Variants in NNT observed in about 807,000 individuals in gnomAD.
NNT encodes the protein nicotinamide nucleotide transhydrogenase.
A neutral mutation model predicts 104.8 loss-of-function variants in NNT; 50 were observed. That is an observed-to-expected ratio of 0.48 (90% CI 0.38 to 0.60). The LOEUF is 0.60. Ranked by LOEUF, NNT falls within the 20% of genes least tolerant of loss-of-function variation. NNT has a pLI of 0.00. For missense variants in NNT, 1,131 were observed against 1,330.7 expected (o/e 0.85, Z 2.33); for synonymous variants, 461 against 490.4 (o/e 0.94, Z 0.79).
intron 7 of NNT, among the ~76,000 whole-genome samples, chr5:43,628,721 G>A (rs1230851746): frequency 1.3e-5 from 2 of 152,120 alleles, no homozygotes; most frequent in Admixed American, 1.3e-4. Flanking sequence ...CAAGTAACTG[G>A]GATTACAGGT....
At chr5:43,642,436 C>T (rs924423580) in intron 7 of NNT, among the ~76,000 whole-genome samples, 5 of 152,108 alleles carry the variant, frequency 3.3e-5, no homozygotes, top group African/African-American at 1.2e-4. Flanking sequence ...TGTTAGATTA[C>T]AGTACGGAGG....
intron 7 of NNT, among the ~76,000 whole-genome samples, chr5:43,633,455 C>T (rs901140377): frequency 6.6e-6 from 1 of 152,216 alleles, no homozygotes; most frequent in Admixed American, 6.5e-5. Flanking sequence ...TTGCCCTTCC[C>T]TGCTTTTTGA....
intron 7 of NNT, among the ~76,000 whole-genome samples, chr5:43,636,360 G>C (rs1299181661): frequency 6.6e-6 from 1 of 152,128 alleles, no homozygotes; most frequent in Non-Finnish European, 1.5e-5. Context: ...CACCCATGAA[G>C]TTACATAACC....
rs142078290 is a variant in NNT at position 43,687,533 on chromosome 5, C to T, written c.2876+9727C>T. ...ACATTGTGCCAGAATTTTTTATAAACTCACATTGACTCATCAGTGTGCATA... is the reference window on the plus strand; with the variant it reads ...ACATTGTGCCAGAATTTTTTATAAATTCACATTGACTCATCAGTGTGCATA... On this transcript the variant is annotated intron_variant, in intron 19 of 21. Coordinates refer to ENST00000344920, the MANE Select transcript of NNT (RefSeq NM_182977.3). Among the ~76,000 whole-genome samples the T allele has an allele frequency of 2.6e-5, 4 of 152,260 alleles. No homozygotes were observed. The East Asian group carries it at 7.7e-4, about 29-fold the overall frequency.
intron 2 of NNT, 68 bp from the exon 3 acceptor site, chr5:43,612,840 T>G: frequency 8.5e-7 from 1 of 1,169,998 alleles, no homozygotes; most frequent in Non-Finnish European, 1.2e-6. Flanking sequence ...TTCTGAAATC[T>G]GTTTTTAAAC....
chr5:43,659,213 G>A lies in NNT; in HGVS notation c.2497G>A (p.Val833Ile), dbSNP rs1165451368. 2.5e-6 allele frequency: 4 copies of A among 1,613,122 alleles called. No homozygotes were observed. The highest frequency in any genetic ancestry group is 2.2e-5 in the East Asian group (1 of 44,838). The change falls in exon 17 of 22, where the codon GTC (valine) becomes ATC (isoleucine). Residue 833 changes from valine (V) to isoleucine (I), a missense_variant. Transcript: ENST00000344920. ...TAAIGGADMP[V>I]VITVLNSYSG... The stretch of plus-strand genomic sequence containing the variant: ...TGCTATTGGGGGTGCTGACATGCCC[G>A]TCGTTATCACTGTGCTGAACAGCTA...
intron 19 of NNT, among the ~76,000 whole-genome samples, chr5:43,691,070 A>AGAGAGAGAGAGAGTGT (rs1245517310): frequency 3.6e-5 from 5 of 137,400 alleles, no homozygotes; most frequent in African/African-American, 1.4e-4. Flanking sequence ...TTTTTGAGAG[A>AGAGAGAGAGAGAGTGT]GTGTGTGTGT....
Position 43,704,454 on chromosome 5 carries a change from G to A in NNT, c.*50G>A, listed in dbSNP as rs16873502. On this transcript the variant is annotated 3_prime_UTR_variant, in exon 22 of 22. Coordinates refer to ENST00000344920, the MANE Select transcript of NNT (RefSeq NM_182977.3). The stretch of plus-strand genomic sequence containing the variant: ...AATAATGCCACCTCTGCAGTTTTGG[G>A]AACAGGCAAATAAAGTATCAGTATA... The A allele has an allele frequency of 0.043, 67,876 of 1,592,316 alleles. 2,208 individuals are homozygous for A. The highest frequency in any genetic ancestry group is 0.18 in the East Asian group (8,164 of 44,510).
intron 17 of NNT, among the ~76,000 whole-genome samples, chr5:43,666,502 G>A (rs971088117): frequency 3.3e-5 from 5 of 151,134 alleles, no homozygotes; most frequent in African/African-American, 1.2e-4. Flanking sequence ...TGAGGCAGGA[G>A]AATCAGGCAG....
rs528409772 is a variant in NNT, at chr5:43,662,318, G to A, written c.2634+2968G>A. ...TAGAATAAGGTAGTAAGAGGTACTT[G>A]TTGAAAGTACTCTCTTCTACGTGTT... is the stretch of plus-strand genomic sequence containing the variant. On this transcript the variant is annotated intron_variant, in intron 17 of 21. Coordinates refer to ENST00000344920, the MANE Select transcript of NNT (RefSeq NM_182977.3). Among the ~76,000 whole-genome samples the A allele has an allele frequency of 2.0e-5, 3 of 152,162 alleles. No homozygotes were observed. In the South Asian group the frequency reaches 6.2e-4, roughly 32 times the overall value.
chr5:43,698,842 GCACACACATGCACA>G (rs1742698901), intron 19 of NNT, among the ~76,000 whole-genome samples: 1 of 148,980 alleles, frequency 6.7e-6, no homozygotes, highest in Non-Finnish European at 1.5e-5. Flanking sequence ...ACACATACTT[GCACACACATGCACA>G]CACACACATA....
intron 4 of NNT, among the ~76,000 whole-genome samples, chr5:43,616,760 A>G (rs1427031718): frequency 6.6e-6 from 1 of 152,162 alleles, no homozygotes; most frequent in East Asian, 1.9e-4. Flanking sequence ...TGGGTGAGGG[A>G]CAGGAATAGC....
intron 19 of NNT, among the ~76,000 whole-genome samples, chr5:43,680,143 AT>A (rs959323223): frequency 7.9e-5 from 12 of 151,888 alleles, no homozygotes; most frequent in East Asian, 1.9e-4. Context: ...TTCTGTGTGA[AT>A]TTTTTTTATT....
chr5:43,613,484 A>G (rs74594521), intron 3 of NNT: 3,682 of 180,458 alleles, frequency 0.02, 66 homozygotes, highest in Non-Finnish European at 0.031. Flanking sequence ...GAAAGAAGGT[A>G]TGGAACTTAG....
At chr5:43,605,935 T>A (rs531348941) in intron 1 of NNT, among the ~76,000 whole-genome samples, 244 of 152,308 alleles carry the variant, frequency 1.6e-3, no homozygotes, top group African/African-American at 5.6e-3. Flanking sequence ...ATTACCATTT[T>A]CCAAGTAGAA....
At chr5:43,646,293 T>C (rs1739426216) in intron 10 of NNT, among the ~76,000 whole-genome samples, 1 of 152,128 alleles carries the variant, frequency 6.6e-6, no homozygotes, top group African/African-American at 2.4e-5. Context: ...AATATACATA[T>C]ATGTATTTTT....
At chr5:43,640,717 T>C (rs1257292507) in intron 7 of NNT, among the ~76,000 whole-genome samples, 1 of 151,704 alleles carries the variant, frequency 6.6e-6, no homozygotes, top group African/African-American at 2.4e-5. Context: ...TGTTTTTCAC[T>C]TATCTATAGG....
intron 7 of NNT, among the ~76,000 whole-genome samples, chr5:43,641,139 T>TATTATGC (rs1751209794): frequency 6.6e-6 from 1 of 152,158 alleles, no homozygotes; most frequent in Non-Finnish European, 1.5e-5. Context: ...ATGCTGCATT[T>TATTATGC]ATTATGCATT....
At chr5:43,668,758 T>C (rs1455268407) in intron 17 of NNT, among the ~76,000 whole-genome samples, 3 of 152,232 alleles carry the variant, frequency 2.0e-5, no homozygotes, top group Non-Finnish European at 4.4e-5. Flanking sequence ...GACCTGGCAA[T>C]GTGAGCTCTT....
Sources: allele counts gnomAD v4.1 joint callset (sites outside exome capture counted in the v4.1 genomes callset), GRCh38; gene constraint gnomAD v4.1.1; transcripts MANE v1.5; gene names NCBI Gene and HGNC (gene_info 2026-07-23, HGNC 2026-07-21).